Variants in HYDIN observed in about 807,000 individuals in gnomAD.
HYDIN encodes axonemal central pair apparatus protein HYDIN.
A neutral mutation model predicts 403.9 loss-of-function variants in HYDIN; 132 were observed. The ratio of observed to expected loss-of-function variants is 0.33; its 90% CI spans 0.28 to 0.38. The LOEUF (loss-of-function observed/expected upper bound fraction) is 0.38. Ranked by LOEUF, HYDIN falls within the 10% of genes least tolerant of loss-of-function variation. HYDIN has a pLI of 1.00. For missense variants in HYDIN, 2,827 were observed against 5,009.5 expected, an observed-to-expected ratio of 0.56 and a Z score of 13.15; for synonymous variants, 1,202 against 1,891.7, an observed-to-expected ratio of 0.64 and a Z score of 9.46.
intron 12 of HYDIN, among the ~76,000 whole-genome samples, chr16:71,081,793 CAA>C (rs1018678075): frequency 3.8e-4 from 58 of 150,942 alleles, no homozygotes; most frequent in African/African-American, 1.4e-3. Flanking sequence ...ATTTGAAAGA[CAA>C]GAGAGAGAAT....
At chr16:70,869,618 C>T (rs2039979735) in intron 65 of HYDIN, among the ~76,000 whole-genome samples, 1 of 144,508 alleles carries the variant, frequency 6.9e-6, no homozygotes, top group Non-Finnish European at 1.5e-5. Flanking sequence ...TGTCTGCTAC[C>T]ATGTAAAATG....
intron 1 of HYDIN, among the ~76,000 whole-genome samples, chr16:71,225,168 G>C (rs2040977965): frequency 6.6e-6 from 1 of 152,330 alleles, no homozygotes; most frequent in South Asian, 2.1e-4. Context: ...GAATGAGAAA[G>C]AGTGTAGGGT....
At chr16:71,228,745 TG>T (rs2041150907) in intron 1 of HYDIN, among the ~76,000 whole-genome samples, 1 of 152,226 alleles carries the variant, frequency 6.6e-6, no homozygotes, top group African/African-American at 2.4e-5. Flanking sequence ...GAAGACAGTG[TG>T]GCAATTCCCC....
chr16:70,931,210 GTTTTTTTT>G (rs71387550), intron 45 of HYDIN, among the ~76,000 whole-genome samples: 14 of 59,480 alleles, frequency 2.4e-4, no homozygotes, highest in East Asian at 1.7e-3. Context: ...TCTTTCTTCT[GTTTTTTTT>G]TTTTTTTTTT....
At position 71,201,241 on chromosome 16, in the gene HYDIN, T is replaced by C. The variant is rs187341128; in HGVS notation, c.-23-14323A>G. On this transcript the variant is annotated intron_variant, in intron 1 of 85. Transcript: ENST00000393567. ...TCAGAGATCTCAACCAGCTTGTTCA[T>C]TGCTGTTATACATGCCTTGCATAGT... Among the ~76,000 whole-genome samples the C allele has an allele frequency of 1.3e-4, 20 of 152,346 alleles. No individual in the cohort carries two copies. In the South Asian group the frequency reaches 1.4e-3, roughly 11 times the overall value.
intron 36 of HYDIN, among the ~76,000 whole-genome samples, chr16:70,966,881 C>T (rs2078593489): frequency 6.6e-6 from 1 of 150,772 alleles, no homozygotes; most frequent in Middle Eastern, 3.2e-3. Flanking sequence ...TAGTGTAAAA[C>T]TAAGACTCCA....
rs774136846 is a variant in HYDIN, at chr16:70,894,558, C to T, written c.9149-10G>A. On this transcript the variant is annotated splice_polypyrimidine_tract_variant and intron_variant, in intron 54 of 85. Transcript: ENST00000393567. ...AGTCCCCCTTCAGCTCCTGCAGAGA[C>T]CAGGGGCCAGGGCAGAGAGGGGTGA... 26 of 1,491,206 alleles carry T rather than the reference C, an allele frequency of 1.7e-5. No homozygotes were observed. In the South Asian group the frequency reaches 3.3e-4, roughly 19 times the overall value. The allele number at this position is 1,491,206 out of a possible 1,614,324, so 92.4% of individuals were successfully genotyped here.
chr16:71,170,946 C>G (rs566202056), intron 5 of HYDIN, among the ~76,000 whole-genome samples: 1 of 152,290 alleles, frequency 6.6e-6, no homozygotes, highest in South Asian at 2.1e-4. Context: ...GAAAGACACT[C>G]TGCTGTTCTT....
intron 29 of HYDIN, among the ~76,000 whole-genome samples, chr16:70,979,939 C>A (rs1435166398): frequency 6.6e-6 from 1 of 152,032 alleles, no homozygotes; most frequent in Non-Finnish European, 1.5e-5. Context: ...AACAAACAAA[C>A]AAACAAACAA....
At chr16:71,203,813 C>A in intron 1 of HYDIN, 1 of 455,806 alleles carries the variant, frequency 2.2e-6, no homozygotes, top group Non-Finnish European at 4.4e-6. Flanking sequence ...AAATAGTTCC[C>A]CAGCACATTG....
At chr16:71,219,825 T>G (rs923688640) in intron 1 of HYDIN, among the ~76,000 whole-genome samples, 1 of 152,292 alleles carries the variant, frequency 6.6e-6, no homozygotes, top group East Asian at 1.9e-4. Context: ...AAACGACATT[T>G]TGTATGAAGA....
At chr16:70,936,771 ATCC>A (rs1178844651) in intron 44 of HYDIN, among the ~76,000 whole-genome samples, 1 of 148,546 alleles carries the variant, frequency 6.7e-6, no homozygotes, top group African/African-American at 2.4e-5. Context: ...ACCTCAGGTG[ATCC>A]TCCTACCTTG....
At chr16:70,984,507 A>G (rs1458234133) in intron 28 of HYDIN, among the ~76,000 whole-genome samples, 1 of 150,008 alleles carries the variant, frequency 6.7e-6, no homozygotes, top group Non-Finnish European at 1.5e-5. Context: ...AGCAGCTAAA[A>G]TAGTACAGTA....
At chr16:70,896,629 TATAGA>T (rs1818156515) in intron 53 of HYDIN, among the ~76,000 whole-genome samples, 2 of 151,056 alleles carry the variant, frequency 1.3e-5, no homozygotes, top group Admixed American at 6.6e-5. Flanking sequence ...GTGTTGGGGT[TATAGA>T]TGTGAGCCAT....
At chr16:71,149,170 A>G (rs534248022) in intron 7 of HYDIN, among the ~76,000 whole-genome samples, 2 of 151,356 alleles carry the variant, frequency 1.3e-5, no homozygotes, top group South Asian at 2.1e-4. Context: ...GCAAAAGCAC[A>G]TGAAAAGACA....
chr16:70,969,407 T>C (rs1218692373), intron 36 of HYDIN, among the ~76,000 whole-genome samples: 3 of 152,308 alleles, frequency 2.0e-5, no homozygotes, highest in Middle Eastern at 3.4e-3. Flanking sequence ...AAATCTTCCC[T>C]ACAGAGGAAA....
At chr16:71,090,676 G>GT (rs5817747) in intron 11 of HYDIN, among the ~76,000 whole-genome samples, 70,172 of 148,856 alleles carry the variant, frequency 0.47, 18,888 homozygotes, top group East Asian at 0.73. Flanking sequence ...ATTTTTGTGG[G>GT]TTTTTTTTTG....
intron 58 of HYDIN, among the ~76,000 whole-genome samples, chr16:70,884,790 T>C (rs200649170): frequency 4.7e-4 from 71 of 151,978 alleles, no homozygotes; most frequent in African/African-American, 1.6e-3. Flanking sequence ...TGCTTGTAGT[T>C]TTCCGGATGA....
chr16:71,008,478 G>A (rs1009511562), intron 23 of HYDIN, among the ~76,000 whole-genome samples: 1 of 152,094 alleles, frequency 6.6e-6, no homozygotes, highest in African/African-American at 2.4e-5. Flanking sequence ...TCAAGATTAC[G>A]GCAGCTTCCT....
Sources: allele counts gnomAD v4.1 joint callset (sites outside exome capture counted in the v4.1 genomes callset), GRCh38; gene constraint gnomAD v4.1.1; transcripts MANE v1.5; gene names NCBI Gene and HGNC (gene_info 2026-07-23, HGNC 2026-07-21).